GLIS2: variants seen among roughly 807,000 people sequenced by gnomAD.
GLIS2 encodes GLIS family zinc finger 2, also known as zinc finger protein GLIS2.
A neutral mutation model predicts 35.6 loss-of-function variants in GLIS2; 14 were observed. The ratio of observed to expected loss-of-function variants is 0.39; its 90% CI spans 0.26 to 0.61. The LOEUF is 0.61. Ranked by LOEUF, GLIS2 falls within the 20% of genes least tolerant of loss-of-function variation. The probability of loss-of-function intolerance (pLI) is 0.48; values close to 1 mark genes in which losing one functional copy is unlikely to be tolerated. For synonymous variants in GLIS2, 368 were observed against 325.1 expected, an observed-to-expected ratio of 1.13 and a Z score of -1.42; for missense variants, 675 against 713.4, an observed-to-expected ratio of 0.95 and a Z score of 0.61.
rs575951565 is a variant in GLIS2, at chr16:4,333,007, C to T, written c.173-340C>T. 1.1e-4 allele frequency among the ~76,000 whole-genome samples: 17 copies of T among 152,308 alleles called. 1 individual carries two copies. The highest frequency in any genetic ancestry group is 4.1e-4 in the African/African-American group (17 of 41,574). On this transcript the variant is annotated intron_variant, in intron 2 of 6. Coordinates refer to ENST00000433375, the MANE Select transcript of GLIS2 (RefSeq NM_032575.3). ...GAGGCAGGAAGGGGCCTGGGAAAAG[C>T]TAGAAAGGTTCCTACCTGCCCGTCT...
In GLIS2 at chr16:4,332,406, G is replaced by A. The variant is rs111615784; in HGVS notation, c.126G>A (p.Leu42=). Residue 42 remains leucine (L), a synonymous_variant, in exon 2 of 7, where the codon CTG becomes CTA. Transcript: ENST00000433375. The surrounding 1 kb of genome is among the most constrained non-coding windows in gnomAD (Gnocchi z 5.4). ...GTGCTCTGCACAGGGAGCTGGGCCT[G>A]GTGGATGACAGCCCCACACCTGGCT... ...RPRALHRELG[L]VDDSPTPGSP... 1.6e-5 allele frequency: 26 copies of A among 1,612,792 alleles called. 1 individual carries two copies. The African/African-American group carries it at 3.3e-4, about 21-fold the overall frequency.
intron 1 of GLIS2, among the ~76,000 whole-genome samples, chr16:4,323,463 G>C (rs543118584): frequency 6.6e-6 from 1 of 152,340 alleles, no homozygotes; most frequent in East Asian, 1.9e-4. Context: ...CAGGCAGCGG[G>C]GGGGTGGAGG....
In GLIS2 at chr16:4,335,136, C is replaced by T. The variant is rs2053536535; in HGVS notation, c.599C>T (p.Ala200Val). 5.6e-6 allele frequency: 9 copies of T among 1,613,164 alleles called. No individual in the cohort carries two copies. The African/African-American group carries it at 6.7e-5, about 12-fold the overall frequency. Residue 200 changes from alanine (A) to valine (V), a missense_variant, in exon 5 of 7, where the codon GCG becomes GTG. Physicochemically the swap from Ala to Val is moderately conservative, Grantham distance 64. Transcript: ENST00000433375. This position sits in a 1 kb window ranked among gnomAD's most constrained non-coding sequence, Gnocchi z 4.6. ...NDYHVKPEKD[A>V]GYCCHWEGCA... ...TACCATGTCAAGCCCGAGAAGGATG[C>T]GGGGTACTGCTGCCACTGGGAGGGC...
intron 1 of GLIS2, among the ~76,000 whole-genome samples, chr16:4,323,098 G>A (rs2053395179): frequency 6.6e-6 from 1 of 152,234 alleles, no homozygotes; most frequent in South Asian, 2.1e-4. Flanking sequence ...GCCTGCTCAT[G>A]TCCTGTGCTA....
intron 1 of GLIS2, among the ~76,000 whole-genome samples, chr16:4,318,497 C>G (rs1464306251): frequency 2.0e-5 from 3 of 152,238 alleles, no homozygotes; most frequent in Non-Finnish European, 4.4e-5. Context: ...CGCGTCCCCC[C>G]AAAGCTTTTG....
rs1213729121 is a variant in GLIS2 at position 4,335,817 on chromosome 16, G to A, written c.775+424G>A. 13 of 233,312 alleles carry A rather than the reference G, an allele frequency of 5.6e-5. No homozygotes were observed. Among genetic ancestry groups the A allele is most frequent in the African/African-American group, 6.7e-5 (3 of 44,588 alleles). The allele number at this position is 233,312 out of a possible 1,614,324, so 14.5% of individuals were successfully genotyped here. A position where few individuals can be genotyped will look rare whatever the true frequency, so the allele number is the denominator to read the frequency against. The stretch of plus-strand genomic sequence containing the variant: ...GGTGAAATTAATTGTAATATGGTTC[G>A]TTGACCCCGGTACATCCAACGTGTT... On this transcript the variant is annotated intron_variant, in intron 6 of 6. Transcript: ENST00000433375. The surrounding 1 kb of genome is among the most constrained non-coding windows in gnomAD (Gnocchi z 4.6).
chr16:4,315,116 G>C (rs2053292926), upstream of GLIS2: 1 of 152,224 alleles, frequency 6.6e-6, no homozygotes, highest in African/African-American at 2.4e-5. Flanking sequence ...CTCCCGCGGC[G>C]CTCGGGCTAG....
At chr16:4,334,270 C>A in intron 3 of GLIS2, among the ~76,000 whole-genome samples, 1 of 131,258 alleles carries the variant, frequency 7.6e-6, no homozygotes, top group Admixed American at 8.3e-5. Context: ...CAGGGTCTAG[C>A]TCTGTCACCC....
intron 6 of GLIS2, chr16:4,336,114 G>C (rs2053548324): frequency 5.2e-6 from 1 of 193,298 alleles, no homozygotes. Context: ...GGCCCACGCT[G>C]GGCGCCTCGT....
At chr16:4,327,741 CCCCCGCCGTCCCGGTGGT>C (rs1229451482) in intron 1 of GLIS2, among the ~76,000 whole-genome samples, 3 of 146,294 alleles carry the variant, frequency 2.1e-5, no homozygotes, top group Non-Finnish European at 4.5e-5. Flanking sequence ...TCCCCCGAAG[CCCCCGCCGTCCCGGTGGT>C]CCCCGCGGCC....
intron 1 of GLIS2, among the ~76,000 whole-genome samples, chr16:4,318,841 C>T (rs1041489360): frequency 1.3e-5 from 2 of 152,242 alleles, no homozygotes; most frequent in South Asian, 2.1e-4. Flanking sequence ...TAGCCACCCG[C>T]TCCACTCGCC....
At chr16:4,327,847 AG>A (rs2053452108) in intron 1 of GLIS2, among the ~76,000 whole-genome samples, 1 of 150,834 alleles carries the variant, frequency 6.6e-6, no homozygotes. Flanking sequence ...TTGCAGCTGG[AG>A]GAGCCGCGCA....
intron 1 of GLIS2, among the ~76,000 whole-genome samples, chr16:4,331,143 A>AT (rs373525092): frequency 0.056 from 8,200 of 147,620 alleles, 411 homozygotes; most frequent in African/African-American, 0.13. Flanking sequence ...CACCTGGCTA[A>AT]TTTTTTTTTT....
At chr16:4,336,125 G>T (rs2053548549) in intron 6 of GLIS2, 1 of 194,842 alleles carries the variant, frequency 5.1e-6, no homozygotes, top group Non-Finnish European at 1.1e-5. Flanking sequence ...GGCGCCTCGT[G>T]CCAGGATGTG....
chr16:4,324,421 T>C (rs1280423124), intron 1 of GLIS2, among the ~76,000 whole-genome samples: 1 of 152,182 alleles, frequency 6.6e-6, no homozygotes, highest in Non-Finnish European at 1.5e-5. Context: ...AGTTGGGCTC[T>C]GGAAGGTGGT....
At position 4,337,043 on chromosome 16, in the gene GLIS2, C is replaced by G; in HGVS notation, c.1094C>G (p.Pro365Arg). ...IPNPAALFGGPGLPGLPLPLA... is the reference protein window; with the variant it reads ...IPNPAALFGGRGLPGLPLPLA... ...AACCCAGCTGCCCTCTTTGGAGGCC[C>G]TGGCCTGCCCGGCTTACCCCTACCC... Residue 365 changes from proline (P) to arginine (R), a missense_variant, in exon 7 of 7, where the codon CCT (proline) becomes CGT (arginine). Pro to Arg is a moderately radical substitution (Grantham distance 103, BLOSUM62 -2). Transcript: ENST00000433375. 1 of 1,583,566 alleles carries G rather than the reference C, an allele frequency of 6.3e-7. No homozygotes were observed. Among genetic ancestry groups the G allele is most frequent in the Non-Finnish European group, 8.5e-7 (1 of 1,169,926 alleles).
intron 1 of GLIS2, among the ~76,000 whole-genome samples, chr16:4,328,914 C>T (rs763748010): frequency 6.6e-6 from 1 of 151,274 alleles, no homozygotes; most frequent in East Asian, 2.0e-4. Flanking sequence ...TGAGTGTCCC[C>T]GTCAGCTGGA....
intron 1 of GLIS2, among the ~76,000 whole-genome samples, chr16:4,318,417 G>C (rs563000316): frequency 6.6e-6 from 1 of 152,226 alleles, no homozygotes; most frequent in Non-Finnish European, 1.5e-5. Context: ...AATTATCCGA[G>C]GGTGGAGCCC....
Position 4,332,422 on chromosome 16 carries a change from A to G in GLIS2, c.142A>G (p.Thr48Ala). The change falls in exon 2 of 7, where the codon ACA (threonine) becomes GCA (alanine). Residue 48 changes from threonine to alanine, a missense_variant. Thr to Ala is a moderately conservative substitution (Grantham distance 58). Transcript: ENST00000433375. The surrounding 1 kb of genome is among the most constrained non-coding windows in gnomAD (Gnocchi z 5.4). ...GCTGGGCCTGGTGGATGACAGCCCC[A>G]CACCTGGCTCTCCAGGCTCCCCGCC... is the stretch of plus-strand genomic sequence containing the variant. Reference protein sequence around the residue: ...RELGLVDDSPTPGSPGSPPSG... With the variant: ...RELGLVDDSPAPGSPGSPPSG... 3 of 1,612,472 alleles carry G rather than the reference A, an allele frequency of 1.9e-6. No homozygotes were observed. Among genetic ancestry groups the G allele is most frequent in the South Asian group, 2.2e-5 (2 of 91,046 alleles).
Sources: allele counts gnomAD v4.1 joint callset (sites outside exome capture counted in the v4.1 genomes callset), GRCh38; gene constraint gnomAD v4.1.1; non-coding constraint Gnocchi (gnomAD v3.1); transcripts MANE v1.5; gene names NCBI Gene and HGNC (gene_info 2026-07-23, HGNC 2026-07-21).